Variants in DSE observed in about 807,000 individuals in gnomAD.
DSE encodes dermatan sulfate epimerase, also known as dermatan-sulfate epimerase.
In DSE, 36 loss-of-function variants were observed where a neutral mutation model predicts 84.4. The observed-to-expected ratio is 0.43, with a 90% confidence interval of 0.33 to 0.56. The LOEUF (loss-of-function observed/expected upper bound fraction) is 0.56. Ranked by LOEUF, DSE falls within the 20% of genes least tolerant of loss-of-function variation. The pLI is 0.06. For missense variants in DSE, 862 were observed against 1,169.6 expected (o/e 0.74, Z 3.84); for synonymous variants, 410 against 430.1 (o/e 0.95, Z 0.58).
intron 1 of DSE, among the ~76,000 whole-genome samples, chr6:116,385,048 C>T (rs1255364369): frequency 6.6e-6 from 1 of 152,080 alleles, no homozygotes; most frequent in Non-Finnish European, 1.5e-5. Flanking sequence ...GGGAGCAAGC[C>T]ACATGGATAT....
chr6:116,384,222 G>A (rs1780434459), intron 1 of DSE, among the ~76,000 whole-genome samples: 1 of 152,188 alleles, frequency 6.6e-6, no homozygotes, highest in Non-Finnish European at 1.5e-5. Flanking sequence ...GGCTTGGCTG[G>A]TCTGGACATG....
At chr6:116,372,400 G>A (rs1779654055) in intron 1 of DSE, among the ~76,000 whole-genome samples, 1 of 152,166 alleles carries the variant, frequency 6.6e-6, no homozygotes, top group South Asian at 2.1e-4. Context: ...CCCAGGAGGC[G>A]GAGCTTGCAG....
intron 2 of DSE, among the ~76,000 whole-genome samples, chr6:116,297,937 G>A (rs552209736): frequency 6.6e-6 from 1 of 152,278 alleles, no homozygotes; most frequent in African/African-American, 2.4e-5. Flanking sequence ...TGGTTTGCCT[G>A]GGACTAGTGT....
At chr6:116,292,852 G>T (rs1774377052) in intron 2 of DSE, among the ~76,000 whole-genome samples, 1 of 152,286 alleles carries the variant, frequency 6.6e-6, no homozygotes, top group African/African-American at 2.4e-5. Flanking sequence ...AGACCAATAA[G>T]TATATGCTAA....
intron 2 of DSE, chr6:116,276,756 C>G (rs1773161524): frequency 6.6e-6 from 1 of 152,126 alleles, no homozygotes; most frequent in Non-Finnish European, 1.5e-5. Context: ...ATTTTACCAT[C>G]ATGCATAAAA....
intron 2 of DSE, among the ~76,000 whole-genome samples, chr6:116,339,960 G>A (rs985948343): frequency 2.0e-5 from 3 of 152,096 alleles, no homozygotes; most frequent in Non-Finnish European, 4.4e-5. Flanking sequence ...TTCTATATGC[G>A]AGTGTGGAGT....
intron 1 of DSE, among the ~76,000 whole-genome samples, chr6:116,372,017 T>G (rs1482630062): frequency 1.3e-5 from 2 of 152,262 alleles, no homozygotes; most frequent in Admixed American, 6.5e-5. Flanking sequence ...GGAATCTTCG[T>G]GTAATAAAGT....
At chr6:116,393,354 A>G (rs1167202545) in intron 1 of DSE, among the ~76,000 whole-genome samples, 5 of 152,194 alleles carry the variant, frequency 3.3e-5, no homozygotes, top group Non-Finnish European at 5.9e-5. Context: ...TCCAATTTCA[A>G]CTAAGTCTCT....
In DSE at chr6:116,358,550, G is replaced by A. The variant is rs556095392; in HGVS notation, c.-53-40648G>A. On this transcript the variant is annotated intron_variant, in intron 2 of 3. Transcript: ENST00000430252. ...CCAGATCAACCAGGTGGACCTTTTCGTTGATGAGCTGATAGCTTCTAGGCT... is the reference window on the plus strand; with the variant it reads ...CCAGATCAACCAGGTGGACCTTTTCATTGATGAGCTGATAGCTTCTAGGCT... 1.8e-4 allele frequency among the ~76,000 whole-genome samples: 27 copies of A among 152,164 alleles called. 1 individual carries two copies. The highest frequency in any genetic ancestry group is 2.9e-4 in the Non-Finnish European group (20 of 68,028).
chr6:116,301,998 A>G (rs189493804), intron 2 of DSE, among the ~76,000 whole-genome samples: 13 of 152,224 alleles, frequency 8.5e-5, no homozygotes, highest in Middle Eastern at 3.4e-3. Flanking sequence ...TTATTCCATG[A>G]TGTATATGTG....
At position 116,361,542 on chromosome 6, in the gene DSE, G is replaced by C. The variant is rs1309405613; in HGVS notation, c.-53-37656G>C. On this transcript the variant is annotated intron_variant, in intron 2 of 3. Transcript: ENST00000430252. ...GTGATGGTGCACATCTACAGTCCCA[G>C]CTGCTCAGGAGGCTAAGGTGAGAGT... 2.0e-5 allele frequency among the ~76,000 whole-genome samples: 3 copies of C among 152,118 alleles called. No homozygotes were observed. In the East Asian group the frequency reaches 5.8e-4, roughly 29 times the overall value.
intron 2 of DSE, among the ~76,000 whole-genome samples, chr6:116,351,911 A>T (rs545311068): frequency 6.6e-6 from 1 of 152,258 alleles, no homozygotes; most frequent in South Asian, 2.1e-4. Context: ...GAACCTGGAG[A>T]GTTGTCTTTT....
intron 2 of DSE, among the ~76,000 whole-genome samples, chr6:116,419,620 C>G (rs1003561390): frequency 2.0e-5 from 3 of 152,224 alleles, no homozygotes; most frequent in African/African-American, 7.2e-5. Context: ...TGCAGCAAAG[C>G]TGGCAAATGG....
chr6:116,326,528 T>G (rs1327275637), intron 2 of DSE, among the ~76,000 whole-genome samples: 1 of 152,230 alleles, frequency 6.6e-6, no homozygotes, highest in Non-Finnish European at 1.5e-5. Context: ...TTCACTGTTT[T>G]GTGCATTTAT....
At chr6:116,399,777 G>C in intron 2 of DSE, 111 bp downstream of exon 2, 3 of 1,043,582 alleles carry the variant, frequency 2.9e-6, no homozygotes, top group Non-Finnish European at 4.1e-6. Context: ...GTATGTGTGT[G>C]GGGGGAGGTG....
At chr6:116,369,772 A>G, upstream of DSE, 1 of 498,274 alleles carries the variant, frequency 2.0e-6, no homozygotes, top group Non-Finnish European at 3.4e-6. Context: ...AATTTCTGAA[A>G]AAGAGAAGCA....
At chr6:116,265,721 G>A (rs1002184783) in intron 2 of DSE, among the ~76,000 whole-genome samples, 1 of 152,114 alleles carries the variant, frequency 6.6e-6, no homozygotes, top group Admixed American at 6.5e-5. Context: ...AGCAAATCAA[G>A]GGGTGCTCAA....
intron 2 of DSE, among the ~76,000 whole-genome samples, chr6:116,311,674 T>C (rs1397605093): frequency 2.0e-5 from 3 of 152,254 alleles, no homozygotes; most frequent in Non-Finnish European, 4.4e-5. Flanking sequence ...CTCCAACCTC[T>C]GCTTTCCTGC....
chr6:116,402,962 T>C (rs898768479), intron 2 of DSE, among the ~76,000 whole-genome samples: 3 of 152,220 alleles, frequency 2.0e-5, no homozygotes, highest in African/African-American at 7.2e-5. Context: ...ATAGATTCAC[T>C]TAAGAATTCT....
Sources: gnomAD v4.1 joint callset for allele counts (sites outside exome capture counted in the v4.1 genomes callset) on GRCh38, gnomAD v4.1.1 for gene constraint, MANE v1.5 for transcripts, NCBI Gene and HGNC (gene_info 2026-07-23, HGNC 2026-07-21) for gene names.